The following MACROD2 variants were observed in gnomAD, a reference collection of about 807,000 sequenced individuals.
MACROD2 encodes mono-ADP ribosylhydrolase 2.
Under a neutral mutation model 70.4 loss-of-function variants are expected in MACROD2, and 36 were observed. The observed-to-expected ratio is 0.51, with a 90% confidence interval of 0.39 to 0.68. The LOEUF (loss-of-function observed/expected upper bound fraction) is 0.68, where lower values mean the gene tolerates loss of function less well. Among genes scored for constraint, MACROD2 ranks in the 30% least tolerant of loss-of-function variants. The pLI is 0.00. For missense variants in MACROD2, 496 were observed against 538.4 expected, an observed-to-expected ratio of 0.92 and a Z score of 0.78; for synonymous variants, 172 against 178.8, an observed-to-expected ratio of 0.96 and a Z score of 0.30.
At chr20:14,994,893 C>T (rs966604330) in intron 5 of MACROD2, among the ~76,000 whole-genome samples, 1 of 151,978 alleles carries the variant, frequency 6.6e-6, no homozygotes, top group African/African-American at 2.4e-5. Context: ...AATTCCAGCA[C>T]TTTGGGAGGC....
intron 3 of MACROD2, among the ~76,000 whole-genome samples, chr20:14,239,385 A>G (rs955118596): frequency 6.6e-6 from 1 of 152,224 alleles, no homozygotes; most frequent in African/African-American, 2.4e-5. Context: ...TAAAATTCAT[A>G]TGGAACAACA....
At chr20:14,522,888 C>G (rs1195158050) in intron 4 of MACROD2, among the ~76,000 whole-genome samples, 1 of 152,152 alleles carries the variant, frequency 6.6e-6, no homozygotes, top group Non-Finnish European at 1.5e-5. Context: ...AGATGTTTCC[C>G]TACCTCCTAG....
At position 14,321,134 on chromosome 20, in the gene MACROD2, G is replaced by A. The variant is rs571808244; in HGVS notation, c.272-172345G>A. On this transcript the variant is annotated intron_variant, in intron 3 of 17. Transcript: ENST00000684519. The stretch of plus-strand genomic sequence containing the variant: ...AATCCCAGCACTTTGGGAGGCTGAG[G>A]TGGGTGGATCACTTGAGGTTGGAAG... Among the ~76,000 whole-genome samples the A allele has an allele frequency of 7.2e-5, 11 of 152,258 alleles. No homozygotes were observed. In the South Asian group the frequency reaches 1.5e-3, roughly 20 times the overall value.
chr20:15,526,794 TAA>T (rs1162780200), intron 8 of MACROD2, among the ~76,000 whole-genome samples: 2 of 152,172 alleles, frequency 1.3e-5, no homozygotes, highest in African/African-American at 4.8e-5. Flanking sequence ...ATCTGGGCAT[TAA>T]AAGAGGATGC....
At chr20:14,098,533 T>G (rs922734000) in intron 3 of MACROD2, among the ~76,000 whole-genome samples, 2 of 152,216 alleles carry the variant, frequency 1.3e-5, no homozygotes, top group Non-Finnish European at 1.5e-5. Context: ...GAATAATTGA[T>G]GTAGAATATA....
At chr20:15,579,416 C>T (rs981345832) in intron 8 of MACROD2, among the ~76,000 whole-genome samples, 1 of 152,118 alleles carries the variant, frequency 6.6e-6, no homozygotes, top group African/African-American at 2.4e-5. Context: ...AGAAAATAGA[C>T]CCGAGAAATA....
chr20:14,927,639 G>A (rs1249048367), intron 5 of MACROD2, among the ~76,000 whole-genome samples: 1 of 152,134 alleles, frequency 6.6e-6, no homozygotes, highest in African/African-American at 2.4e-5. Flanking sequence ...CCTGGGAAAT[G>A]TAGTTTTAGC....
intron 8 of MACROD2, among the ~76,000 whole-genome samples, chr20:15,724,857 C>T (rs972913875): frequency 2.6e-5 from 4 of 152,034 alleles, no homozygotes; most frequent in South Asian, 2.1e-4. Flanking sequence ...CTGAGGCAGG[C>T]GGATCACGAG....
At chr20:14,418,929 C>T in intron 3 of MACROD2, among the ~76,000 whole-genome samples, 1 of 152,070 alleles carries the variant, frequency 6.6e-6, no homozygotes, top group African/African-American at 2.4e-5. Context: ...GAGTTCTTAT[C>T]TTGGACAACC....
intron 3 of MACROD2, among the ~76,000 whole-genome samples, chr20:14,121,571 A>G (rs1161029229): frequency 2.6e-5 from 4 of 152,192 alleles, no homozygotes; most frequent in Admixed American, 6.5e-5. Context: ...TGACCCTTCT[A>G]TCTTTTGAAG....
chr20:14,245,358 G>A (rs1363503695), intron 3 of MACROD2, among the ~76,000 whole-genome samples: 4 of 86,024 alleles, frequency 4.6e-5, no homozygotes, highest in African/African-American at 2.0e-4. Flanking sequence ...GCTAGACTTC[G>A]TCTCAAAAAA....
At chr20:15,070,824 A>G (rs563184957) in intron 5 of MACROD2, among the ~76,000 whole-genome samples, 38 of 152,208 alleles carry the variant, frequency 2.5e-4, no homozygotes, top group African/African-American at 7.5e-4. Flanking sequence ...TGGCAACTCA[A>G]AACAGATTAA....
chr20:14,285,344 C>G (rs530253266), intron 3 of MACROD2, among the ~76,000 whole-genome samples: 2 of 152,090 alleles, frequency 1.3e-5, no homozygotes, highest in South Asian at 4.2e-4. Flanking sequence ...ATATATTGAA[C>G]CATCAGAAAG....
chr20:15,234,016 T>C (rs1357563287), intron 6 of MACROD2, among the ~76,000 whole-genome samples: 3 of 10,106 alleles, frequency 3.0e-4, no homozygotes, highest in East Asian at 2.7e-3. Flanking sequence ...TATATTCTTT[T>C]TTTTTTTTTT....
chr20:15,705,483 G>A (rs1184594223), intron 8 of MACROD2, among the ~76,000 whole-genome samples: 3 of 152,018 alleles, frequency 2.0e-5, no homozygotes, highest in South Asian at 2.1e-4. Context: ...GCAATGGTGC[G>A]ATCTCAGCTC....
At chr20:15,396,439 C>CT (rs1223066098) in intron 6 of MACROD2, among the ~76,000 whole-genome samples, 1 of 152,170 alleles carries the variant, frequency 6.6e-6, no homozygotes, top group East Asian at 1.9e-4. Context: ...AGTGAGCAGC[C>CT]TTAATACTGT....
rs146583783 is a variant in MACROD2 at position 15,405,799 on chromosome 20, C to T, written c.541-25606C>T. Among the ~76,000 whole-genome samples, 455 of 152,338 alleles carry T rather than the reference C, an allele frequency of 3.0e-3. 1 individual carries two copies. The highest frequency in any genetic ancestry group is 6.8e-3 in the Middle Eastern group (2 of 294). On this transcript the variant is annotated intron_variant, in intron 6 of 17. Transcript: ENST00000684519. ...GCTCTCTTGAAATTCTCCTTTGCAA[C>T]AGCTTTTACCAGTTTCCCACAGCTG... is the stretch of plus-strand genomic sequence containing the variant.
chr20:15,050,533 CTTTTTTTTTTTTT>C (rs386393390), intron 5 of MACROD2, among the ~76,000 whole-genome samples: 4 of 77,874 alleles, frequency 5.1e-5, no homozygotes, highest in Non-Finnish European at 6.9e-5. Flanking sequence ...CTATTTAGGT[CTTTTTTTTTTTTT>C]TTTTTTTTTT....
chr20:15,299,512 G>C (rs1171574830), intron 6 of MACROD2, among the ~76,000 whole-genome samples: 1 of 152,212 alleles, frequency 6.6e-6, no homozygotes, highest in African/African-American at 2.4e-5. Flanking sequence ...TTAAGGCCCA[G>C]AGTATTTTCA....
Sources: gnomAD v4.1 joint callset for allele counts (sites outside exome capture counted in the v4.1 genomes callset) on GRCh38, gnomAD v4.1.1 for gene constraint, MANE v1.5 for transcripts, NCBI Gene and HGNC (gene_info 2026-07-23, HGNC 2026-07-21) for gene names.